Variants in TMTC3 observed in about 807,000 individuals in gnomAD.
TMTC3 encodes protein O-mannosyl-transferase TMTC3.
A neutral mutation model predicts 92.2 loss-of-function variants in TMTC3; 52 were observed. The ratio of observed to expected loss-of-function variants is 0.56; its 90% CI spans 0.45 to 0.71. TMTC3 has a LOEUF of 0.71. Among genes scored for constraint, TMTC3 ranks in the 30% least tolerant of loss-of-function variants. The pLI, the probability that TMTC3 is intolerant of heterozygous loss-of-function variation, is 0.00. For synonymous variants in TMTC3, 339 were observed against 363.3 expected (o/e 0.93, Z 0.76); for missense variants, 896 against 1,057.1 (o/e 0.85, Z 2.11).
At position 88,195,551 on chromosome 12, in the gene TMTC3, C is replaced by A. The variant is rs201755019; in HGVS notation, c.2647C>A (p.Pro883Thr). The A allele has an allele frequency of 1.2e-6, 2 of 1,612,818 alleles. No homozygotes were observed. The highest frequency in any genetic ancestry group is 3.3e-5 in the Admixed American group (2 of 59,796). Residue 883 changes from proline (P) to threonine (T), a missense_variant, in exon 14 of 14, where the codon CCC becomes ACC. Transcript: ENST00000266712. ...AGGAAAAAATGGAGACGAAGAGACA[C>A]CCCACAAAACAACAAAAGACATCAA... ...QLGKNGDEET[P>T]HKTTKDIKEI...
chr12:88,150,494 A>G (rs2040929806), intron 2 of TMTC3, among the ~76,000 whole-genome samples: 1 of 152,176 alleles, frequency 6.6e-6, no homozygotes, highest in African/African-American at 2.4e-5. Context: ...AGCTTTGCAG[A>G]TTGAAAATTT....
Position 88,174,727 on chromosome 12 carries a change from G to A in TMTC3, c.1320G>A (p.Lys440=), listed in dbSNP as rs1036223934. The A allele has an allele frequency of 1.9e-6, 3 of 1,611,544 alleles. No homozygotes were observed. Among genetic ancestry groups the A allele is most frequent in the South Asian group, 1.1e-5 (1 of 90,792 alleles). The change falls in exon 9 of 14, where the codon AAG becomes AAA. Residue 440 remains lysine, a splice_region_variant and synonymous_variant. Coordinates refer to ENST00000266712, the MANE Select transcript of TMTC3 (RefSeq NM_181783.4). The stretch of plus-strand genomic sequence containing the variant: ...ATACATTGTTTATGTCAGCCTTGAA[G>A]GTAAAGTGTTGTTCAGAATGACAGG... The part of the protein sequence containing the change: ...SEYTLFMSAL[K]VNKNNAKLWN...
chr12:88,174,604 C>T lies in TMTC3; in HGVS notation c.1200-3C>T, dbSNP rs2041240183. 6.2e-7 allele frequency: 1 copy of T among 1,601,108 alleles called. No homozygotes were observed. The highest frequency in any genetic ancestry group is 8.5e-7 in the Non-Finnish European group (1 of 1,175,950). The stretch of plus-strand genomic sequence containing the variant: ...TTTGTTTTGCTTTTTTTCTCTTAAA[C>T]AGTGTATTTAAAAAGCTATCCTGGA... On this transcript the variant is annotated splice_polypyrimidine_tract_variant and splice_region_variant and intron_variant, in intron 8 of 13. Transcript: ENST00000266712.
intron 4 of TMTC3, among the ~76,000 whole-genome samples, chr12:88,156,429 T>A (rs1018044628): frequency 5.3e-5 from 8 of 152,188 alleles, no homozygotes; most frequent in African/African-American, 1.4e-4. Context: ...CTAGGCACAC[T>A]CTCTGTTTTC....
chr12:88,160,027 A>T, intron 4 of TMTC3, 87 bp from the exon 5 acceptor site: 2 of 821,960 alleles, frequency 2.4e-6, no homozygotes, highest in South Asian at 1.8e-5. Context: ...ACTCATATGG[A>T]TATGGAATCA....
chr12:88,156,488 A>G (rs2041010978), intron 4 of TMTC3, among the ~76,000 whole-genome samples: 1 of 152,168 alleles, frequency 6.6e-6, no homozygotes, highest in Non-Finnish European at 1.5e-5. Flanking sequence ...CTCTGCATTT[A>G]AATGGTAGCT....
chr12:88,147,463 GTATA>G (rs2040889502), intron 1 of TMTC3, among the ~76,000 whole-genome samples: 2 of 152,080 alleles, frequency 1.3e-5, no homozygotes, highest in African/African-American at 4.8e-5. Context: ...ATTACAACAT[GTATA>G]TATAGCTGTC....
intron 4 of TMTC3, among the ~76,000 whole-genome samples, chr12:88,157,751 C>G (rs1450809296): frequency 6.6e-6 from 1 of 152,026 alleles, no homozygotes; most frequent in Non-Finnish European, 1.5e-5. Context: ...TTTAAGTGTC[C>G]TTAACTTATT....
chr12:88,150,443 T>C (rs948193554), intron 2 of TMTC3, among the ~76,000 whole-genome samples: 4 of 152,140 alleles, frequency 2.6e-5, no homozygotes, highest in African/African-American at 9.7e-5. Context: ...CACACACATA[T>C]CACATACCAT....
intron 10 of TMTC3, among the ~76,000 whole-genome samples, chr12:88,180,316 TG>T (rs1431569581): frequency 6.6e-6 from 1 of 152,160 alleles, no homozygotes; most frequent in East Asian, 1.9e-4. Flanking sequence ...GGAACCCCAC[TG>T]GGGGTATGTT....
intron 1 of TMTC3, among the ~76,000 whole-genome samples, chr12:88,144,381 T>C (rs10466972): frequency 0.076 from 11,548 of 152,110 alleles, 1,475 homozygotes; most frequent in African/African-American, 0.27. Flanking sequence ...ATAATAGAAG[T>C]CTGTTTTCTC....
intron 9 of TMTC3, 94 bp from the exon 10 acceptor site, chr12:88,176,114 A>G (rs1407888398): frequency 1.7e-5 from 14 of 824,052 alleles, no homozygotes; most frequent in Non-Finnish European, 3.7e-6. Context: ...TCCATAGAAC[A>G]TTATTTTCTT....
At position 88,199,053 on chromosome 12, in the gene TMTC3, T is replaced by TTA. The variant is rs1555235349; in HGVS notation, c.*3404_*3405insTA. ...CATAACCTGGCTTGCCTTTTAGTGT[T>TTA]AAAAAAATACAACATTGTATATAGA... On this transcript the variant is annotated 3_prime_UTR_variant, in exon 14 of 14. Coordinates refer to ENST00000266712, the MANE Select transcript of TMTC3 (RefSeq NM_181783.4). The TTA allele has an allele frequency of 1.3e-5, 2 of 151,778 alleles. No individual in the cohort carries two copies. The highest frequency in any genetic ancestry group is 2.9e-5 in the Non-Finnish European group (2 of 67,896). 9.4% of individuals were successfully genotyped at this position (151,778 alleles called of 1,614,324 possible). A position where few individuals can be genotyped will look rare whatever the true frequency, so the allele number is the denominator to read the frequency against.
At chr12:88,179,340 G>A (rs971603997) in intron 10 of TMTC3, among the ~76,000 whole-genome samples, 6 of 152,192 alleles carry the variant, frequency 3.9e-5, no homozygotes, top group African/African-American at 1.4e-4. Context: ...TAGTGTGATG[G>A]TTAGTTAAAA....
intron 5 of TMTC3, 118 bp downstream of exon 5, chr12:88,160,347 A>G: frequency 1.7e-6 from 1 of 598,822 alleles, no homozygotes; most frequent in Non-Finnish European, 2.7e-6. Context: ...GTGTTTACCA[A>G]TAATAATACC....
At position 88,160,229 on chromosome 12, in the gene TMTC3, G is replaced by T. The variant is rs1218820567; in HGVS notation, c.624G>T (p.Gly208=). ...CCVYEVFIAQ[G]YTLPLLCTTA... is the part of the protein sequence containing the mutation. ...TGTATGAAGTGTTTATTGCCCAGGGGGTAAGCCAAACTATAAATATATAAA... is the reference window on the plus strand; with the variant it reads ...TGTATGAAGTGTTTATTGCCCAGGGTGTAAGCCAAACTATAAATATATAAA... Residue 208 remains glycine (G), a splice_region_variant and synonymous_variant, in exon 5 of 14, where the codon GGG becomes GGT. Transcript: ENST00000266712. 1 of 1,491,890 alleles carries T rather than the reference G, an allele frequency of 6.7e-7. No homozygotes were observed. The highest frequency in any genetic ancestry group is 8.9e-7 in the Non-Finnish European group (1 of 1,119,790). 92.4% of individuals were successfully genotyped at this position (1,491,890 alleles called of 1,614,324 possible).
chr12:88,157,800 T>C lies in TMTC3; in HGVS notation c.509-2314T>C, dbSNP rs1365772971. ...TGTTTTGGACAAAATCACATGTAACTTTTAACCACAGTGATCTGATTGTAA... is the reference window on the plus strand; with the variant it reads ...TGTTTTGGACAAAATCACATGTAACCTTTAACCACAGTGATCTGATTGTAA... On this transcript the variant is annotated intron_variant, in intron 4 of 13. Transcript: ENST00000266712. Among the ~76,000 whole-genome samples, 10 of 152,286 alleles carry C rather than the reference T, an allele frequency of 6.6e-5. No individual in the cohort carries two copies. The East Asian group carries it at 1.7e-3, about 26-fold the overall frequency.
intron 8 of TMTC3, chr12:88,173,135 A>T: frequency 8.5e-7 from 1 of 1,180,550 alleles, no homozygotes; most frequent in Non-Finnish European, 1.1e-6. Flanking sequence ...ATAGTAAGCA[A>T]TCTGTAATTT....
At chr12:88,145,670 A>G (rs536594123) in intron 1 of TMTC3, among the ~76,000 whole-genome samples, 3 of 152,180 alleles carry the variant, frequency 2.0e-5, no homozygotes, top group Non-Finnish European at 2.9e-5. Flanking sequence ...ATGTGTTGCA[A>G]GAGAAAAAGA....
Sources: gnomAD v4.1 joint callset for allele counts (sites outside exome capture counted in the v4.1 genomes callset) on GRCh38, gnomAD v4.1.1 for gene constraint, MANE v1.5 for transcripts, NCBI Gene and HGNC (gene_info 2026-07-23, HGNC 2026-07-21) for gene names.